Variants in GALNT17 observed in about 807,000 individuals in gnomAD.
The protein encoded by GALNT17 is polypeptide N-acetylgalactosaminyltransferase 17.
A neutral mutation model predicts 63.7 loss-of-function variants in GALNT17; 29 were observed. The ratio of observed to expected loss-of-function variants is 0.46; its 90% CI spans 0.34 to 0.62. GALNT17 has a LOEUF of 0.62. GALNT17 is among the 20% of genes least tolerant of loss of function. GALNT17 has a pLI of 0.01. For missense variants in GALNT17, 603 were observed against 799.6 expected, an observed-to-expected ratio of 0.75 and a Z score of 2.97; for synonymous variants, 305 against 318.3, an observed-to-expected ratio of 0.96 and a Z score of 0.45.
chr7:71,301,683 T>G (rs1791201197), intron 1 of GALNT17, among the ~76,000 whole-genome samples: 1 of 151,990 alleles, frequency 6.6e-6, no homozygotes, highest in South Asian at 2.1e-4. Context: ...TACACAAGTG[T>G]GCGCAGTATT....
chr7:71,477,673 G>A (rs1787747663), intron 5 of GALNT17, among the ~76,000 whole-genome samples: 1 of 152,038 alleles, frequency 6.6e-6, no homozygotes, highest in East Asian at 1.9e-4. Flanking sequence ...TGGGCAACAG[G>A]CCAAGATCCT....
intron 6 of GALNT17, among the ~76,000 whole-genome samples, chr7:71,645,077 T>C (rs895434779): frequency 6.6e-6 from 1 of 152,120 alleles, no homozygotes; most frequent in African/African-American, 2.4e-5. Flanking sequence ...AGACCCACAT[T>C]TACTACTGAG....
At chr7:71,410,210 G>T (rs74987655) in intron 3 of GALNT17, among the ~76,000 whole-genome samples, 3 of 151,542 alleles carry the variant, frequency 2.0e-5, no homozygotes, top group Non-Finnish European at 4.4e-5. Flanking sequence ...TGTGCTGCAC[G>T]CTTGGTTTAT....
intron 3 of GALNT17, among the ~76,000 whole-genome samples, chr7:71,394,637 A>C (rs1048357604): frequency 3.9e-5 from 6 of 152,118 alleles, no homozygotes; most frequent in African/African-American, 1.4e-4. Context: ...TGATGAACTT[A>C]CTGTGTTTGC....
At chr7:71,602,664 G>A (rs1789983244) in intron 6 of GALNT17, among the ~76,000 whole-genome samples, 1 of 152,140 alleles carries the variant, frequency 6.6e-6, no homozygotes, top group South Asian at 2.1e-4. Flanking sequence ...GAGGTGACAG[G>A]CCAGATCATT....
At position 71,278,523 on chromosome 7, in the gene GALNT17, A is replaced by C. The variant is rs77645968; in HGVS notation, c.239-57027A>C. Among the ~76,000 whole-genome samples the C allele has an allele frequency of 9.6e-3, 1,468 of 152,316 alleles. 25 individuals carry two copies. The highest frequency in any genetic ancestry group is 0.034 in the African/African-American group (1,401 of 41,568). Reference sequence around the variant, plus strand: ...TCTGTCTTCACATGACCTTTGTCGTAATATGTTCTCAGGCTGCTACAAAGA... The same window carrying C: ...TCTGTCTTCACATGACCTTTGTCGTCATATGTTCTCAGGCTGCTACAAAGA... On this transcript the variant is annotated intron_variant, in intron 1 of 10. Transcript: ENST00000333538.
intron 1 of GALNT17, among the ~76,000 whole-genome samples, chr7:71,267,897 T>TC (rs1790520454): frequency 2.0e-5 from 3 of 151,490 alleles, no homozygotes; most frequent in Non-Finnish European, 1.5e-5. Flanking sequence ...TGTGTGTTTT[T>TC]CCCCTCCCTG....
chr7:71,442,882 T>C (rs941567070), intron 5 of GALNT17, among the ~76,000 whole-genome samples: 1 of 152,170 alleles, frequency 6.6e-6, no homozygotes, highest in African/African-American at 2.4e-5. Context: ...CTTGGTAGGA[T>C]GCCCCAGTCA....
intron 9 of GALNT17, among the ~76,000 whole-genome samples, chr7:71,682,139 C>A (rs1422739775): frequency 6.6e-6 from 1 of 152,020 alleles, no homozygotes; most frequent in Non-Finnish European, 1.5e-5. Flanking sequence ...GTTGGTCAGG[C>A]TGGTCTCAAA....
At chr7:71,268,615 GC>G (rs1303414153) in intron 1 of GALNT17, among the ~76,000 whole-genome samples, 1 of 151,974 alleles carries the variant, frequency 6.6e-6, no homozygotes, top group African/African-American at 2.4e-5. Context: ...AGATTGGGCT[GC>G]CTGCCAGAGG....
intron 5 of GALNT17, among the ~76,000 whole-genome samples, chr7:71,559,429 C>T (rs371858437): frequency 6.6e-6 from 1 of 152,290 alleles, no homozygotes; most frequent in Non-Finnish European, 1.5e-5. Context: ...GGCGAGAGAT[C>T]AGAGGCCCCC....
chr7:71,395,909 A>G (rs1468815200), intron 3 of GALNT17, among the ~76,000 whole-genome samples: 4 of 152,200 alleles, frequency 2.6e-5, no homozygotes, highest in South Asian at 2.1e-4. Context: ...AGAAACATCT[A>G]TTCAAGTACT....
chr7:71,617,149 AT>A (rs902272319), intron 6 of GALNT17, among the ~76,000 whole-genome samples: 6 of 149,842 alleles, frequency 4.0e-5, no homozygotes, highest in African/African-American at 1.5e-4. Context: ...TTATTTACTT[AT>A]TCATTTGCAT....
chr7:71,195,423 C>T (rs1789029747), intron 1 of GALNT17, among the ~76,000 whole-genome samples: 1 of 151,194 alleles, frequency 6.6e-6, no homozygotes, highest in South Asian at 2.1e-4. Flanking sequence ...ACTTGTTCAC[C>T]TAGGTTGGAG....
At chr7:71,573,304 C>T (rs111872192) in intron 6 of GALNT17, among the ~76,000 whole-genome samples, 13 of 151,506 alleles carry the variant, frequency 8.6e-5, no homozygotes, top group African/African-American at 2.4e-4. Context: ...GCTCCCATGC[C>T]TGGCCTTTAA....
intron 9 of GALNT17, among the ~76,000 whole-genome samples, chr7:71,685,950 T>G (rs1364243033): frequency 0.021 from 165 of 7,798 alleles, no homozygotes; most frequent in African/African-American, 0.036. Context: ...CAATTACTAT[T>G]TTTTTTTTTT....
At chr7:71,478,460 T>C (rs1364028568) in intron 5 of GALNT17, among the ~76,000 whole-genome samples, 1 of 152,040 alleles carries the variant, frequency 6.6e-6, no homozygotes, top group African/African-American at 2.4e-5. Context: ...ACCATAGGCG[T>C]GCCCCACCAT....
In GALNT17 at chr7:71,276,181, G is replaced by C. The variant is rs1055063314; in HGVS notation, c.239-59369G>C. Reference sequence around the variant, plus strand: ...GCATGTGATGGGTGCCCCTGTAAATGTCTGTGGAATGGCTGACTGGCTAGC... The same window carrying C: ...GCATGTGATGGGTGCCCCTGTAAATCTCTGTGGAATGGCTGACTGGCTAGC... On this transcript the variant is annotated intron_variant, in intron 1 of 10. Coordinates refer to ENST00000333538, the MANE Select transcript of GALNT17 (RefSeq NM_022479.3). Among the ~76,000 whole-genome samples, 4 of 152,232 alleles carry C rather than the reference G, an allele frequency of 2.6e-5. No homozygotes were observed. In the South Asian group the frequency reaches 6.2e-4, roughly 24 times the overall value.
intron 6 of GALNT17, among the ~76,000 whole-genome samples, chr7:71,589,415 A>G (rs1164799616): frequency 6.6e-6 from 1 of 152,046 alleles, no homozygotes; most frequent in African/African-American, 2.4e-5. Flanking sequence ...CGTCTCTACA[A>G]AAAATAATTA....
Sources: allele counts gnomAD v4.1 joint callset (sites outside exome capture counted in the v4.1 genomes callset), GRCh38; gene constraint gnomAD v4.1.1; transcripts MANE v1.5; gene names NCBI Gene and HGNC (gene_info 2026-07-23, HGNC 2026-07-21).